Variants in FSTL4 observed in about 807,000 individuals in gnomAD.
FSTL4 encodes the protein follistatin like 4.
In FSTL4, 28 loss-of-function variants were observed where a neutral mutation model predicts 78.2. The ratio of observed to expected loss-of-function variants is 0.36; its 90% CI spans 0.27 to 0.49. The LOEUF is 0.49. Ranked by LOEUF, FSTL4 falls within the 20% of genes least tolerant of loss-of-function variation. The pLI is 0.98. For synonymous variants in FSTL4, 422 were observed against 440.5 expected, an observed-to-expected ratio of 0.96 and a Z score of 0.53; for missense variants, 922 against 1,084.9, an observed-to-expected ratio of 0.85 and a Z score of 2.11.
chr5:133,350,203 T>G (rs1207276393), intron 4 of FSTL4, among the ~76,000 whole-genome samples: 1 of 152,064 alleles, frequency 6.6e-6, no homozygotes, highest in Non-Finnish European at 1.5e-5. Flanking sequence ...GGATGGACTT[T>G]GTTTGTCATG....
chr5:133,407,349 G>C (rs189531705), intron 3 of FSTL4, among the ~76,000 whole-genome samples: 1 of 152,338 alleles, frequency 6.6e-6, no homozygotes, highest in East Asian at 1.9e-4. Flanking sequence ...ACAGGTGACT[G>C]CTGGGCAGAT....
At chr5:133,256,794 G>A (rs1057339540) in intron 6 of FSTL4, among the ~76,000 whole-genome samples, 20 of 152,178 alleles carry the variant, frequency 1.3e-4, no homozygotes, top group African/African-American at 9.7e-5. Context: ...GTTTCCTTAC[G>A]TGTAACCAGA....
At chr5:133,256,227 C>T (rs1293610692) in intron 6 of FSTL4, among the ~76,000 whole-genome samples, 1 of 152,212 alleles carries the variant, frequency 6.6e-6, no homozygotes. Context: ...AGACACATCT[C>T]TCTAACTGCG....
intron 3 of FSTL4, among the ~76,000 whole-genome samples, chr5:133,531,489 T>C (rs987709483): frequency 1.3e-5 from 2 of 152,166 alleles, no homozygotes; most frequent in Admixed American, 6.5e-5. Context: ...GTGTGGAGTG[T>C]GGATCCCTCC....
rs1290531101 is a variant in FSTL4, at chr5:133,549,932, G to C, written c.160+17254C>G. ...TTTATTTCATCCTTACACTAGAGAG[G>C]TAGCCTACTGGGGTCTGTTGGGGTC... is the stretch of plus-strand genomic sequence containing the variant. On this transcript the variant is annotated intron_variant, in intron 3 of 15. Coordinates refer to ENST00000265342, the MANE Select transcript of FSTL4 (RefSeq NM_015082.2). 2.6e-5 allele frequency among the ~76,000 whole-genome samples: 4 copies of C among 152,170 alleles called. 1 individual carries two copies. Among genetic ancestry groups the C allele is most frequent in the Non-Finnish European group, 5.9e-5 (4 of 68,028 alleles).
chr5:133,525,721 A>G (rs1031789298), intron 3 of FSTL4, among the ~76,000 whole-genome samples: 1 of 152,234 alleles, frequency 6.6e-6, no homozygotes, highest in African/African-American at 2.4e-5. Context: ...CAGAGTTCAC[A>G]GAACCTGTGC....
intron 6 of FSTL4, among the ~76,000 whole-genome samples, chr5:133,261,973 C>T (rs1213724110): frequency 1.4e-5 from 2 of 147,656 alleles, no homozygotes; most frequent in South Asian, 4.3e-4. Context: ...ACCTGGGCAA[C>T]AGCAGAGTGA....
chr5:133,550,484 C>T (rs1759669337), intron 3 of FSTL4, among the ~76,000 whole-genome samples: 1 of 152,170 alleles, frequency 6.6e-6, no homozygotes, highest in African/African-American at 2.4e-5. Flanking sequence ...CCCAGGCAAC[C>T]CCAGCCCCAA....
At chr5:133,646,201 T>A in the FSTL4 span, among the ~76,000 whole-genome samples, 1 of 152,132 alleles carries the variant, frequency 6.6e-6, no homozygotes, top group Non-Finnish European at 1.5e-5. Context: ...AGGGAAAGCA[T>A]CTTTGAGGAG....
At chr5:133,638,818 C>CTTT in the FSTL4 span, among the ~76,000 whole-genome samples, 3 of 151,632 alleles carry the variant, frequency 2.0e-5, no homozygotes, top group Non-Finnish European at 2.9e-5. Context: ...TTGTAAATTA[C>CTTT]TTTTTTTTCA....
intron 3 of FSTL4, among the ~76,000 whole-genome samples, chr5:133,416,566 CA>C: frequency 6.6e-6 from 1 of 152,100 alleles, no homozygotes; most frequent in East Asian, 1.9e-4. Flanking sequence ...AAAAACAGGA[CA>C]AGTTTATAGT....
the FSTL4 span, among the ~76,000 whole-genome samples, chr5:133,783,729 C>T: frequency 2.0e-5 from 3 of 152,234 alleles, no homozygotes; most frequent in Non-Finnish European, 2.9e-5. Flanking sequence ...TGCCAGCATC[C>T]TCAAGTGGTT....
intron 6 of FSTL4, among the ~76,000 whole-genome samples, chr5:133,295,156 C>G (rs1293067744): frequency 1.3e-5 from 2 of 152,164 alleles, no homozygotes; most frequent in Non-Finnish European, 2.9e-5. Flanking sequence ...CATCTCTTCC[C>G]TTATCCTCAC....
intron 2 of FSTL4, among the ~76,000 whole-genome samples, chr5:133,573,259 C>A (rs1006883175): frequency 2.7e-5 from 4 of 150,622 alleles, no homozygotes; most frequent in Non-Finnish European, 4.4e-5. Context: ...AAAACAAAAA[C>A]AAAACAAAAC....
the FSTL4 span, among the ~76,000 whole-genome samples, chr5:133,825,629 C>T: frequency 6.6e-6 from 1 of 152,236 alleles, no homozygotes; most frequent in Non-Finnish European, 1.5e-5. Context: ...CCTAACAAGG[C>T]TTCACCAGGC....
chr5:133,499,559 C>T (rs1472337122), intron 3 of FSTL4, among the ~76,000 whole-genome samples: 3 of 152,074 alleles, frequency 2.0e-5, no homozygotes, highest in African/African-American at 7.2e-5. Context: ...AATCAACCTC[C>T]TAGGTTGCAG....
chr5:133,571,472 T>C (rs1415267087), intron 2 of FSTL4, among the ~76,000 whole-genome samples: 2 of 152,178 alleles, frequency 1.3e-5, no homozygotes, highest in Non-Finnish European at 2.9e-5. Flanking sequence ...GTTATCCAGA[T>C]CTTAGAATTC....
chr5:133,399,413 T>C (rs1043741212), intron 4 of FSTL4, among the ~76,000 whole-genome samples: 1 of 152,204 alleles, frequency 6.6e-6, no homozygotes, highest in African/African-American at 2.4e-5. Flanking sequence ...AAGACTATTG[T>C]CATCACCCGG....
the FSTL4 span, among the ~76,000 whole-genome samples, chr5:133,666,779 G>A: frequency 6.6e-6 from 1 of 152,050 alleles, no homozygotes; most frequent in Non-Finnish European, 1.5e-5. Context: ...ATATTTAATT[G>A]GACAATGAAA....
Sources: gnomAD v4.1 joint callset for allele counts (sites outside exome capture counted in the v4.1 genomes callset) on GRCh38, gnomAD v4.1.1 for gene constraint, MANE v1.5 for transcripts, NCBI Gene and HGNC (gene_info 2026-07-23, HGNC 2026-07-21) for gene names.